EDIL3: variants seen among roughly 807,000 people sequenced by gnomAD.
EDIL3 encodes the protein EGF like and discoidin domains 3, also known as EGF-like repeat and discoidin I-like domain-containing protein 3.
Under a neutral mutation model 67.4 loss-of-function variants are expected in EDIL3, and 37 were observed. The ratio of observed to expected loss-of-function variants is 0.55; its 90% CI spans 0.42 to 0.72. The LOEUF (loss-of-function observed/expected upper bound fraction) is 0.72. EDIL3 is among the 30% of genes least tolerant of loss of function. The pLI is 0.00. For missense variants in EDIL3, 527 were observed against 586.3 expected (o/e 0.90, Z 1.04); for synonymous variants, 195 against 196.3 (o/e 0.99, Z 0.05).
intron 1 of EDIL3, among the ~76,000 whole-genome samples, chr5:84,315,632 A>G (rs1197457611): frequency 1.3e-5 from 2 of 152,260 alleles, no homozygotes; most frequent in East Asian, 3.9e-4. Context: ...GATCATTTCT[A>G]TGGTTCATTA....
intron 5 of EDIL3, among the ~76,000 whole-genome samples, chr5:84,111,845 T>A (rs995386244): frequency 6.6e-6 from 1 of 152,146 alleles, no homozygotes; most frequent in African/African-American, 2.4e-5. Context: ...AACATTTTTA[T>A]ATAATATGGC....
At chr5:84,289,889 T>A (rs1157036893) in intron 1 of EDIL3, among the ~76,000 whole-genome samples, 1 of 152,234 alleles carries the variant, frequency 6.6e-6, no homozygotes, top group African/African-American at 2.4e-5. Flanking sequence ...AAAACATTAA[T>A]AAATTAGTTC....
intron 3 of EDIL3, among the ~76,000 whole-genome samples, chr5:84,203,801 C>T (rs922153698): frequency 6.6e-6 from 1 of 152,134 alleles, no homozygotes; most frequent in Non-Finnish European, 1.5e-5. Flanking sequence ...GGAAAAATTA[C>T]TATATTACTT....
chr5:84,250,990 ATG>A (rs1339113591), intron 2 of EDIL3, among the ~76,000 whole-genome samples: 5 of 152,128 alleles, frequency 3.3e-5, no homozygotes, highest in Non-Finnish European at 2.9e-5. Context: ...AAATACCCAC[ATG>A]TGTTTTTTGT....
intron 6 of EDIL3, among the ~76,000 whole-genome samples, chr5:84,098,988 C>T (rs1461183095): frequency 1.3e-5 from 2 of 152,010 alleles, no homozygotes; most frequent in Admixed American, 6.6e-5. Flanking sequence ...CATGATTTGG[C>T]TCTCTGTTTG....
At chr5:84,213,191 G>GTTTTT (rs34340201) in intron 3 of EDIL3, among the ~76,000 whole-genome samples, 1 of 149,158 alleles carries the variant, frequency 6.7e-6, no homozygotes, top group African/African-American at 2.5e-5. Flanking sequence ...ATTTTCAGTG[G>GTTTTT]TTTTTTTTTT....
intron 5 of EDIL3, among the ~76,000 whole-genome samples, chr5:84,129,794 A>C (rs1248427105): frequency 1.3e-5 from 2 of 152,122 alleles, no homozygotes; most frequent in African/African-American, 4.8e-5. Flanking sequence ...TTGCACAAAA[A>C]CATATTTATA....
intron 6 of EDIL3, among the ~76,000 whole-genome samples, chr5:84,094,475 T>C (rs998280464): frequency 5.3e-5 from 8 of 152,112 alleles, no homozygotes; most frequent in African/African-American, 1.2e-4. Flanking sequence ...TTAGATTGTA[T>C]GTAATTCAGC....
intron 9 of EDIL3, among the ~76,000 whole-genome samples, chr5:84,028,226 G>A (rs764182983): frequency 2.1e-4 from 32 of 151,730 alleles, no homozygotes; most frequent in Middle Eastern, 3.4e-3. Flanking sequence ...ATTATTTCCC[G>A]TCTGCCTTTA....
chr5:84,264,240 T>C (rs2112088273), intron 1 of EDIL3, among the ~76,000 whole-genome samples: 1 of 152,278 alleles, frequency 6.6e-6, no homozygotes, highest in East Asian at 1.9e-4. Context: ...AGCCAGACTA[T>C]GTCTCCAAAC....
At chr5:84,251,410 C>T (rs770052966) in intron 2 of EDIL3, among the ~76,000 whole-genome samples, 24 of 150,746 alleles carry the variant, frequency 1.6e-4, no homozygotes, top group Non-Finnish European at 3.1e-4. Context: ...CCACCACGCC[C>T]GGCCTTTTTT....
intron 1 of EDIL3, among the ~76,000 whole-genome samples, chr5:84,280,994 A>C (rs1203403257): frequency 2.0e-5 from 3 of 151,298 alleles, no homozygotes; most frequent in Non-Finnish European, 4.4e-5. Context: ...TTGGCATCTA[A>C]TTCACAGGAT....
In EDIL3 at chr5:84,074,130, A is replaced by G. The variant is rs541969720; in HGVS notation, c.652-7524T>C. Among the ~76,000 whole-genome samples the G allele has an allele frequency of 4.3e-4, 65 of 151,936 alleles. 1 individual carries two copies. The East Asian group carries it at 0.011, about 26-fold the overall frequency. ...CCCTATTTAATAAATGGTGCTGGGA[A>G]AACTGGCTAGCCATATGTAGAAAGC... is the stretch of plus-strand genomic sequence containing the variant. On this transcript the variant is annotated intron_variant, in intron 6 of 10. Coordinates refer to ENST00000296591, the MANE Select transcript of EDIL3 (RefSeq NM_005711.5).
chr5:84,237,373 CT>C (rs1287712135), intron 2 of EDIL3, among the ~76,000 whole-genome samples: 2 of 151,966 alleles, frequency 1.3e-5, no homozygotes, highest in Non-Finnish European at 2.9e-5. Context: ...CTGGACAAGA[CT>C]TAATGATTAA....
intron 9 of EDIL3, among the ~76,000 whole-genome samples, chr5:84,000,890 A>C (rs1283168375): frequency 2.6e-5 from 4 of 151,486 alleles, no homozygotes; most frequent in East Asian, 1.9e-4. Flanking sequence ...TAAATAAATA[A>C]ATTTTATTTA....
chr5:84,075,835 A>T (rs1746843125), intron 6 of EDIL3, among the ~76,000 whole-genome samples: 1 of 151,120 alleles, frequency 6.6e-6, no homozygotes, highest in Admixed American at 6.6e-5. Context: ...ACTTTTTTAA[A>T]CCTTGTACAA....
chr5:84,249,889 T>C (rs527707498), intron 2 of EDIL3, among the ~76,000 whole-genome samples: 2 of 151,980 alleles, frequency 1.3e-5, no homozygotes, highest in African/African-American at 4.8e-5. Flanking sequence ...AGGTCAGGAG[T>C]TGGAGACCAG....
At chr5:84,293,791 T>G (rs539817059) in intron 1 of EDIL3, among the ~76,000 whole-genome samples, 1 of 151,992 alleles carries the variant, frequency 6.6e-6, no homozygotes, top group Non-Finnish European at 1.5e-5. Flanking sequence ...TTTTTTTTTT[T>G]TGACCAAATG....
chr5:84,313,155 A>G (rs1364927711), intron 1 of EDIL3, among the ~76,000 whole-genome samples: 2 of 152,208 alleles, frequency 1.3e-5, no homozygotes, highest in Non-Finnish European at 2.9e-5. Context: ...GTCACCATAC[A>G]AAATACAGAA....
Sources: allele counts gnomAD v4.1 joint callset (sites outside exome capture counted in the v4.1 genomes callset), GRCh38; gene constraint gnomAD v4.1.1; transcripts MANE v1.5; gene names NCBI Gene and HGNC (gene_info 2026-07-23, HGNC 2026-07-21).